FRMD3: variants seen among roughly 807,000 people sequenced by gnomAD.
The protein encoded by FRMD3 is FERM domain containing 3.
A neutral mutation model predicts 70.2 loss-of-function variants in FRMD3; 33 were observed. That is an observed-to-expected ratio of 0.47 (90% CI 0.36 to 0.63). The LOEUF (loss-of-function observed/expected upper bound fraction) is 0.63, where lower values mean the gene tolerates loss of function less well. FRMD3 is among the 20% of genes least tolerant of loss of function. The pLI is 0.00. For synonymous variants in FRMD3, 279 were observed against 255.9 expected (o/e 1.09, Z -0.86); for missense variants, 632 against 711.4 (o/e 0.89, Z 1.27).
At position 83,332,534 on chromosome 9, in the gene FRMD3, T is replaced by C. The variant is rs12336427; in HGVS notation, c.596+2982A>G. ...CTCATTAATTTTCTGCCAAGAATGG[T>C]GACTTTTTTTCCTCTCTCAGAGATC... On this transcript the variant is annotated intron_variant, in intron 6 of 13. Coordinates refer to ENST00000304195, the MANE Select transcript of FRMD3 (RefSeq NM_174938.6). Among the ~76,000 whole-genome samples the C allele has an allele frequency of 6.8e-3, 1,037 of 152,166 alleles. 8 individuals carry two copies. The highest frequency in any genetic ancestry group is 0.024 in the African/African-American group (984 of 41,510).
At chr9:83,468,931 T>C (rs1227788549) in intron 1 of FRMD3, among the ~76,000 whole-genome samples, 1 of 152,074 alleles carries the variant, frequency 6.6e-6, no homozygotes, top group Non-Finnish European at 1.5e-5. Flanking sequence ...GACTTCCAGC[T>C]CCACCTTGAA....
intron 1 of FRMD3, among the ~76,000 whole-genome samples, chr9:83,460,966 T>C (rs1177231263): frequency 1.3e-5 from 2 of 150,030 alleles, no homozygotes; most frequent in Admixed American, 6.6e-5. Context: ...CCCTGAGCTC[T>C]TGGAGTGTAG....
At chr9:83,456,427 C>T (rs11140102) in intron 1 of FRMD3, among the ~76,000 whole-genome samples, 1 of 152,012 alleles carries the variant, frequency 6.6e-6, no homozygotes, top group Non-Finnish European at 1.5e-5. Context: ...AGAAATGGAA[C>T]TGTTGAGTCA....
At chr9:83,535,954 T>G (rs1321149425) in intron 1 of FRMD3, among the ~76,000 whole-genome samples, 5 of 152,224 alleles carry the variant, frequency 3.3e-5, no homozygotes, top group Admixed American at 3.3e-4. Context: ...TTGTTCTCAC[T>G]CTAAGCAAAT....
rs139933072 is a variant in FRMD3 at position 83,265,841 on chromosome 9, C to T, written c.1196-17325G>A. On this transcript the variant is annotated intron_variant, in intron 13 of 13. Coordinates refer to ENST00000304195, the MANE Select transcript of FRMD3 (RefSeq NM_174938.6). Reference sequence around the variant, plus strand: ...CCCATTTCCATTAAAAGTTACAATTCGTATATCCTTCAACCCAACAATTAT... The same window carrying T: ...CCCATTTCCATTAAAAGTTACAATTTGTATATCCTTCAACCCAACAATTAT... Among the ~76,000 whole-genome samples the T allele has an allele frequency of 8.6e-3, 1,305 of 152,242 alleles. 9 individuals are homozygous for T. Among genetic ancestry groups the T allele is most frequent in the Non-Finnish European group, 0.015 (993 of 68,024 alleles).
Position 83,246,134 on chromosome 9 carries a change from G to A in FRMD3, c.*1784C>T, listed in dbSNP as rs548374885. The stretch of plus-strand genomic sequence containing the variant: ...AGAGCTCCACTGAGTGAGTGGAAAT[G>A]TATTGCCCAATTTAGAAATCATGCT... On this transcript the variant is annotated 3_prime_UTR_variant, in exon 14 of 14. Transcript: ENST00000304195. 3.7e-4 allele frequency: 365 copies of A among 985,022 alleles called. 2 individuals are homozygous for A. In the African/African-American group the frequency reaches 5.9e-3, roughly 16 times the overall value. 61.0% of individuals were successfully genotyped at this position (985,022 alleles called of 1,614,324 possible). A position where few individuals can be genotyped will look rare whatever the true frequency, so the allele number is the denominator to read the frequency against.
At chr9:83,566,121 T>C in the FRMD3 span, among the ~76,000 whole-genome samples, 1 of 152,160 alleles carries the variant, frequency 6.6e-6, no homozygotes, top group African/African-American at 2.4e-5. Context: ...AGAAGTTTAA[T>C]TGGTCTTATA....
the FRMD3 span, among the ~76,000 whole-genome samples, chr9:83,581,286 A>G: frequency 4.6e-5 from 7 of 152,188 alleles, no homozygotes; most frequent in Non-Finnish European, 8.8e-5. Flanking sequence ...TAAAAGGGCA[A>G]CCCAGTTTTA....
At chr9:83,550,687 A>AGTGTGTGTGTGTGTGTGT in the FRMD3 span, among the ~76,000 whole-genome samples, 68 of 138,954 alleles carry the variant, frequency 4.9e-4, no homozygotes, top group African/African-American at 1.2e-3. Flanking sequence ...AGTCCTAGGT[A>AGTGTGTGTGTGTGTGTGT]GTGTGTGTGT....
Position 83,491,373 on chromosome 9 carries a change from G to A in FRMD3, c.147+46712C>T, listed in dbSNP as rs549685802. On this transcript the variant is annotated intron_variant, in intron 1 of 13. Coordinates refer to ENST00000304195, the MANE Select transcript of FRMD3 (RefSeq NM_174938.6). ...AGTGCTTGCCGAGTTTTCTTACTCCGTGGGTGCTTAATGTTCTCTGTCAGG... is the reference window on the plus strand; with the variant it reads ...AGTGCTTGCCGAGTTTTCTTACTCCATGGGTGCTTAATGTTCTCTGTCAGG... Among the ~76,000 whole-genome samples the A allele has an allele frequency of 3.1e-4, 47 of 152,304 alleles. 1 individual carries two copies. In the South Asian group the frequency reaches 3.5e-3, roughly 11 times the overall value.
intron 4 of FRMD3, among the ~76,000 whole-genome samples, 185 bp downstream of exon 4, chr9:83,349,494 T>C (rs1027954485): frequency 3.3e-5 from 5 of 152,162 alleles, no homozygotes; most frequent in African/African-American, 9.7e-5. Flanking sequence ...TCAATGACAA[T>C]TGTTTTTTTA....
chr9:83,513,127 G>A (rs1829376492), intron 1 of FRMD3, among the ~76,000 whole-genome samples: 1 of 152,192 alleles, frequency 6.6e-6, no homozygotes, highest in African/African-American at 2.4e-5. Context: ...GAGGCATTCA[G>A]AGCCTGAGAC....
chr9:83,532,755 G>A (rs1829815195), intron 1 of FRMD3, among the ~76,000 whole-genome samples: 2 of 151,948 alleles, frequency 1.3e-5, no homozygotes, highest in African/African-American at 4.8e-5. Flanking sequence ...ATGGGCATAT[G>A]ATCCAATCCA....
At chr9:83,248,731 C>T (rs1004565121) in intron 13 of FRMD3, among the ~76,000 whole-genome samples, 1 of 152,182 alleles carries the variant, frequency 6.6e-6, no homozygotes, top group African/African-American at 2.4e-5. Context: ...ACCAACACTT[C>T]TCAAATGGTT....
intron 1 of FRMD3, among the ~76,000 whole-genome samples, chr9:83,517,494 C>CAAAAAAAA (rs59178344): frequency 3.2e-4 from 21 of 65,536 alleles, no homozygotes; most frequent in East Asian, 9.6e-4. Context: ...CCTACCAATC[C>CAAAAAAAA]AAAAAAAAAA....
chr9:83,405,527 C>T (rs767541254), intron 1 of FRMD3, among the ~76,000 whole-genome samples: 11 of 151,410 alleles, frequency 7.3e-5, no homozygotes, highest in Non-Finnish European at 1.2e-4. Flanking sequence ...TTTGGGAGGC[C>T]GAGGCAGGTA....
At chr9:83,558,878 A>G in the FRMD3 span, among the ~76,000 whole-genome samples, 1 of 152,238 alleles carries the variant, frequency 6.6e-6, no homozygotes. Context: ...GGAAATAGCA[A>G]GAGAACTAGA....
intron 1 of FRMD3, among the ~76,000 whole-genome samples, chr9:83,462,354 G>A (rs1012697074): frequency 6.6e-6 from 1 of 152,174 alleles, no homozygotes; most frequent in African/African-American, 2.4e-5. Context: ...AAGCATCTAA[G>A]CATCAAGGAG....
chr9:83,267,810 C>T (rs1833341741), intron 13 of FRMD3, among the ~76,000 whole-genome samples: 3 of 152,126 alleles, frequency 2.0e-5, no homozygotes, highest in Non-Finnish European at 4.4e-5. Flanking sequence ...TTGCACACTG[C>T]ACATGTATAG....
Sources: allele counts gnomAD v4.1 joint callset (sites outside exome capture counted in the v4.1 genomes callset), GRCh38; gene constraint gnomAD v4.1.1; transcripts MANE v1.5; gene names NCBI Gene and HGNC (gene_info 2026-07-23, HGNC 2026-07-21).